The following FER1L5 variants were observed in gnomAD, a reference collection of about 807,000 sequenced individuals.
FER1L5 encodes the protein fer-1 like family member 5.
Under a neutral mutation model 279.9 loss-of-function variants are expected in FER1L5, and 187 were observed. That is an observed-to-expected ratio of 0.67 (90% CI 0.59 to 0.75). The LOEUF (loss-of-function observed/expected upper bound fraction) is 0.75. Among genes scored for constraint, FER1L5 ranks in the 30% least tolerant of loss-of-function variants. The pLI is 0.00. For synonymous variants in FER1L5, 921 were observed against 989.7 expected, an observed-to-expected ratio of 0.93 and a Z score of 1.30; for missense variants, 2,091 against 2,594.4, an observed-to-expected ratio of 0.81 and a Z score of 4.21.
chr2:96,693,701 G>C lies in FER1L5; in HGVS notation c.3474+14G>C, dbSNP rs756982866. 5.8e-6 allele frequency: 9 copies of C among 1,549,270 alleles called. No homozygotes were observed. The South Asian group carries it at 1.1e-4, about 18-fold the overall frequency. ...CGTGACTTCTGGGTAAGTTGGGCTG[G>C]GCAGAGCAAGGGGAAGAGGACCTAC... is the stretch of plus-strand genomic sequence containing the variant. On this transcript the variant is annotated intron_variant, in intron 32 of 52. Transcript: ENST00000624922.
chr2:96,653,793 C>A, intron 8 of FER1L5, 91 bp downstream of exon 8: 3 of 953,916 alleles, frequency 3.1e-6, no homozygotes, highest in Non-Finnish European at 4.8e-6. Context: ...ACCCTTAGAG[C>A]CAGGGGCACT....
chr2:96,643,911 C>T (rs1175058520), intron 1 of FER1L5, among the ~76,000 whole-genome samples: 1 of 151,860 alleles, frequency 6.6e-6, no homozygotes, highest in East Asian at 1.9e-4. Context: ...GTGGCTCACA[C>T]CTGTAATCCC....
Position 96,702,664 on chromosome 2 carries a change from G to T in FER1L5, c.5320G>T (p.Glu1774Ter). 6.2e-7 allele frequency: 1 copy of T among 1,610,270 alleles called. No individual in the cohort carries two copies. The highest frequency in any genetic ancestry group is 8.5e-7 in the Non-Finnish European group (1 of 1,178,294). ...TDIHYHSLTG[E>*]ADFNWRFIFT... ...CATCCACTACCACTCGCTGACTGGG[G>T]AGGCCGACTTCAACTGGCGGTTCAT... The change falls in exon 48 of 53, where the codon GAG (glutamate) becomes TAG (stop). Residue 1774 changes from glutamate (E) to a stop codon, truncating the protein, a stop_gained. Transcript: ENST00000624922. LOFTEE classifies it high-confidence loss of function. The surrounding 1 kb of genome is among the most constrained non-coding windows in gnomAD (Gnocchi z 4.0).
intron 20 of FER1L5, 135 bp downstream of exon 20, chr2:96,684,586 A>C (rs2076851428): frequency 7.6e-7 from 1 of 1,309,984 alleles, no homozygotes; most frequent in Non-Finnish European, 1.0e-6. Context: ...TGTTGAGAAG[A>C]ATGTGCCAGA....
intron 19 of FER1L5, among the ~76,000 whole-genome samples, chr2:96,680,661 C>A (rs2076685931): frequency 6.6e-6 from 1 of 152,042 alleles, no homozygotes; most frequent in South Asian, 2.1e-4. Context: ...GTGTTTTGCC[C>A]CACTGTTTTT....
rs554066459 is a variant in FER1L5 at position 96,691,385 on chromosome 2, T to C, written c.2907+32T>C. 1 of 1,541,706 alleles carries C rather than the reference T, an allele frequency of 6.5e-7. No individual in the cohort carries two copies. Among genetic ancestry groups the C allele is most frequent in the South Asian group, 1.2e-5 (1 of 83,434 alleles). On this transcript the variant is annotated intron_variant, in intron 28 of 52. Transcript: ENST00000624922. The surrounding 1 kb of genome is among the most constrained non-coding windows in gnomAD (Gnocchi z 6.0). ...GGTCGACGGGCGCCCTGGCTGGGAC[T>C]GCGGGCAGGGCCGCCTTGGCTGCTG...
In FER1L5 at chr2:96,697,656, C is replaced by T. The variant is rs757146948; in HGVS notation, c.4135-4C>T. 10 of 1,613,842 alleles carry T rather than the reference C, an allele frequency of 6.2e-6. No homozygotes were observed. In the Admixed American group the frequency reaches 1.5e-4, roughly 24 times the overall value. On this transcript the variant is annotated splice_region_variant and splice_polypyrimidine_tract_variant and intron_variant, in intron 38 of 52. Transcript: ENST00000624922. Reference sequence around the variant, plus strand: ...GAGGCCAGAATGATCCTCTTCTCTGCCAGGATGAGTATGAGCATGAGGTGG... The same window carrying T: ...GAGGCCAGAATGATCCTCTTCTCTGTCAGGATGAGTATGAGCATGAGGTGG...
At position 96,689,056 on chromosome 2, in the gene FER1L5, G is replaced by T; in HGVS notation, c.2362-157G>T. 1 of 836,864 alleles carries T rather than the reference G, an allele frequency of 1.2e-6. No homozygotes were observed. The highest frequency in any genetic ancestry group is 1.8e-6 in the Non-Finnish European group (1 of 548,302). 51.8% of individuals were successfully genotyped at this position (836,864 alleles called of 1,614,324 possible). On this transcript the variant is annotated intron_variant, in intron 24 of 52. Coordinates refer to ENST00000624922, the MANE Select transcript of FER1L5 (RefSeq NM_001293083.2). The surrounding 1 kb of genome is among the most constrained non-coding windows in gnomAD (Gnocchi z 4.6). ...GCAGGGTTGACCTCTGGGCCTCAGT[G>T]CCCTCACCTGTGCAATGGGGACATG...
At position 96,702,516 on chromosome 2, in the gene FER1L5, G is replaced by A. The variant is rs1004855805; in HGVS notation, c.5256-84G>A. ...TCTCCATCCAGCTCTGCCTGGCGTC[G>A]GCTGGGCAGCCCTTCCCATGGGGCT... On this transcript the variant is annotated intron_variant, in intron 47 of 52. Transcript: ENST00000624922. This position sits in a 1 kb window ranked among gnomAD's most constrained non-coding sequence, Gnocchi z 4.0. 26 of 1,548,696 alleles carry A rather than the reference G, an allele frequency of 1.7e-5. No homozygotes were observed. Among genetic ancestry groups the A allele is most frequent in the South Asian group, 7.2e-5 (6 of 83,696 alleles).
At position 96,699,596 on chromosome 2, in the gene FER1L5, A is replaced by G. The variant is rs2077516372; in HGVS notation, c.4657A>G (p.Ile1553Val). The change falls in exon 43 of 53, where the codon ATC becomes GTC. Residue 1553 changes from isoleucine to valine, a missense_variant. Physicochemically the swap from Ile to Val is conservative, Grantham distance 29 (BLOSUM62 3). Transcript: ENST00000624922. ...CATACCCCTGGAGAAGGACCTAGAG[A>G]TCCAGCTCTATGACTTCGACCTATT... ...CNIPLEKDLE[I>V]QLYDFDLFSP... 1 of 1,613,884 alleles carries G rather than the reference A, an allele frequency of 6.2e-7. No homozygotes were observed. Among genetic ancestry groups the G allele is most frequent in the Non-Finnish European group, 8.5e-7 (1 of 1,179,906 alleles).
At position 96,697,564 on chromosome 2, in the gene FER1L5, C is replaced by T; in HGVS notation, c.4122C>T (p.Ser1374=). ...TCTACAGAAAGTTCTGGTTCAAGTC[C>T]AGTAAAGCAGAGGTGATGAAGGCTC... The part of the protein sequence containing the change: ...GYLYRKFWFK[S]SKAEDEYEHE... The change falls in exon 38 of 53, where the codon TCC becomes TCT. Residue 1374 remains serine (S), a synonymous_variant. Transcript: ENST00000624922. The T allele has an allele frequency of 6.2e-7, 1 of 1,613,736 alleles. No individual in the cohort carries two copies. Among genetic ancestry groups the T allele is most frequent in the Non-Finnish European group, 8.5e-7 (1 of 1,179,780 alleles).
chr2:96,694,171 G>A lies in FER1L5; in HGVS notation c.3636+99G>A, dbSNP rs1018991429. ...GGCCAACTCCACCCTGTCAGGAAATGCCTGGGGCCCAGGATCCCGAGCTGT... is the reference window on the plus strand; with the variant it reads ...GGCCAACTCCACCCTGTCAGGAAATACCTGGGGCCCAGGATCCCGAGCTGT... On this transcript the variant is annotated intron_variant, in intron 33 of 52. Coordinates refer to ENST00000624922, the MANE Select transcript of FER1L5 (RefSeq NM_001293083.2). This position sits in a 1 kb window ranked among gnomAD's most constrained non-coding sequence, Gnocchi z 4.6. 6.9e-7 allele frequency: 1 copy of A among 1,441,424 alleles called. No individual in the cohort carries two copies. The highest frequency in any genetic ancestry group is 9.2e-7 in the Non-Finnish European group (1 of 1,090,526). The allele number at this position is 1,441,424 out of a possible 1,614,324, so 89.3% of individuals were successfully genotyped here.
At chr2:96,642,997 A>G in intron 1 of FER1L5, 76 bp downstream of exon 1, 2 of 1,272,704 alleles carry the variant, frequency 1.6e-6, no homozygotes, top group Non-Finnish European at 2.2e-6. Context: ...AAAGAGGTGT[A>G]TGGCACCCCA....
chr2:96,703,546 G>C lies in FER1L5; in HGVS notation c.5715G>C (p.Glu1905Asp). ...RLSGKVKMSL[E>D]ILSEKEALIK... Reference sequence around the variant, plus strand: ...AGGGCAAGGTGAAGATGAGCCTGGAGATTCTGTCAGAGAAGGAAGCCTTAA... The same window carrying C: ...AGGGCAAGGTGAAGATGAGCCTGGACATTCTGTCAGAGAAGGAAGCCTTAA... The change falls in exon 51 of 53, where the codon GAG (glutamate) becomes GAC (aspartate). Residue 1905 changes from glutamate (E) to aspartate (D), a missense_variant. Glu to Asp is a conservative substitution (Grantham distance 45, BLOSUM62 2). Coordinates refer to ENST00000624922, the MANE Select transcript of FER1L5 (RefSeq NM_001293083.2). 1 of 1,614,010 alleles carries C rather than the reference G, an allele frequency of 6.2e-7. No individual in the cohort carries two copies. The highest frequency in any genetic ancestry group is 8.5e-7 in the Non-Finnish European group (1 of 1,179,888).
In FER1L5 at chr2:96,684,348, C is replaced by T; in HGVS notation, c.1691C>T (p.Pro564Leu). 2 of 1,551,632 alleles carry T rather than the reference C, an allele frequency of 1.3e-6. No homozygotes were observed. Among genetic ancestry groups the T allele is most frequent in the Non-Finnish European group, 1.7e-6 (2 of 1,146,962 alleles). The change falls in exon 20 of 53, where the codon CCC (proline) becomes CTC (leucine). Residue 564 changes from proline (P) to leucine (L), a missense_variant. Coordinates refer to ENST00000624922, the MANE Select transcript of FER1L5 (RefSeq NM_001293083.2). ...TCAGGGAACATCTACCATTATGTGC[C>T]CTGGTACAACACCAAGCCTGTCGTG... ...IYDGNIYHYV[P>L]WYNTKPVVAV...
At chr2:96,679,667 A>C (rs192667200) in intron 19 of FER1L5, among the ~76,000 whole-genome samples, 22 of 152,334 alleles carry the variant, frequency 1.4e-4, no homozygotes, top group African/African-American at 5.3e-4. Flanking sequence ...TTACATGTTA[A>C]AATACTTACT....
intron 18 of FER1L5, among the ~76,000 whole-genome samples, chr2:96,670,642 T>A (rs955740297): frequency 2.0e-5 from 3 of 150,720 alleles, no homozygotes; most frequent in South Asian, 2.1e-4. Context: ...AAAATGTAGC[T>A]GGGCATGGTG....
chr2:96,644,407 G>A (rs1021523213), intron 1 of FER1L5, among the ~76,000 whole-genome samples: 4 of 152,042 alleles, frequency 2.6e-5, no homozygotes, highest in South Asian at 2.1e-4. Flanking sequence ...GCGTGAACCC[G>A]GGAGACGGAG....
chr2:96,652,228 G>A, intron 7 of FER1L5: 2 of 638,172 alleles, frequency 3.1e-6, no homozygotes, highest in South Asian at 2.0e-5. Flanking sequence ...GCTGGTGGGG[G>A]CACAACTCAT....
Sources: allele counts gnomAD v4.1 joint callset (sites outside exome capture counted in the v4.1 genomes callset), GRCh38; gene constraint gnomAD v4.1.1; non-coding constraint Gnocchi (gnomAD v3.1); transcripts MANE v1.5; gene names NCBI Gene and HGNC (gene_info 2026-07-23, HGNC 2026-07-21).